RANBP2: variants seen among roughly 807,000 people sequenced by gnomAD.
RANBP2 encodes RAN binding protein 2.
RANBP2 carries 57 observed loss-of-function variants against 303.6 expected under a neutral mutation model. The ratio of observed to expected loss-of-function variants is 0.19; its 90% confidence interval spans 0.15 to 0.23. The LOEUF is 0.23. Among genes scored for constraint, RANBP2 ranks in the 10% least tolerant of loss-of-function variants. The pLI is 1.00. For missense variants in RANBP2, 3,138 were observed against 3,780.8 expected (o/e 0.83, Z 4.46); for synonymous variants, 1,167 against 1,301.5 (o/e 0.90, Z 2.23).
the RANBP2 span, among the ~76,000 whole-genome samples, chr2:109,170,250 TTCTC>T: frequency 1.1e-3 from 7 of 6,380 alleles, no homozygotes; most frequent in African/African-American, 2.5e-3. Flanking sequence ...TTCTTTTCTC[TTCTC>T]TTCTCTTCTC....
the RANBP2 span, among the ~76,000 whole-genome samples, chr2:108,986,130 G>T: frequency 6.6e-6 from 1 of 152,156 alleles, no homozygotes; most frequent in African/African-American, 2.4e-5. Context: ...CCAGTGGGCT[G>T]TTGGGATGCC....
the RANBP2 span, among the ~76,000 whole-genome samples, chr2:109,675,461 G>C: frequency 0.71 from 108,479 of 152,164 alleles, 38,957 homozygotes; most frequent in Middle Eastern, 0.78. Flanking sequence ...GCAAGTGGAT[G>C]GTCTGAGGTC....
the RANBP2 span, among the ~76,000 whole-genome samples, chr2:109,059,146 C>A: frequency 6.6e-6 from 1 of 152,152 alleles, no homozygotes; most frequent in South Asian, 2.1e-4. Context: ...CTTGGACCTG[C>A]TGGCAGGTCC....
At chr2:108,993,752 C>T in the RANBP2 span, among the ~76,000 whole-genome samples, 4 of 152,152 alleles carry the variant, frequency 2.6e-5, no homozygotes, top group Non-Finnish European at 5.9e-5. Context: ...AACACTGACC[C>T]CCTGCTACTG....
At chr2:109,514,658 A>G in the RANBP2 span, among the ~76,000 whole-genome samples, 1 of 152,294 alleles carries the variant, frequency 6.6e-6, no homozygotes, top group East Asian at 1.9e-4. Flanking sequence ...GAGTGGCCTC[A>G]GGTGTGGCTA....
the RANBP2 span, among the ~76,000 whole-genome samples, chr2:109,454,695 T>C: frequency 6.6e-6 from 1 of 152,146 alleles, no homozygotes; most frequent in Non-Finnish European, 1.5e-5. Flanking sequence ...CAGGGTAGGA[T>C]AGATCTTCAT....
At chr2:109,236,490 T>C in the RANBP2 span, among the ~76,000 whole-genome samples, 1 of 152,166 alleles carries the variant, frequency 6.6e-6, no homozygotes, top group Non-Finnish European at 1.5e-5. Context: ...GAAAAGGTGG[T>C]CTTCTTGGGT....
At chr2:109,052,998 C>G in the RANBP2 span, among the ~76,000 whole-genome samples, 1 of 152,210 alleles carries the variant, frequency 6.6e-6, no homozygotes, top group East Asian at 1.9e-4. Context: ...CGTCCCTTCC[C>G]CTGTTGAGTC....
the RANBP2 span, among the ~76,000 whole-genome samples, chr2:109,379,632 G>A: frequency 6.6e-5 from 10 of 152,156 alleles, no homozygotes; most frequent in South Asian, 2.1e-4. Context: ...CTTGCTTTTC[G>A]TCATCCTCTG....
the RANBP2 span, among the ~76,000 whole-genome samples, chr2:109,139,456 C>G: frequency 6.6e-6 from 1 of 152,206 alleles, no homozygotes; most frequent in East Asian, 1.9e-4. Context: ...GAAGACAACT[C>G]TCTTGTATCC....
chr2:108,887,115 C>T, the RANBP2 span, among the ~76,000 whole-genome samples: 10 of 152,272 alleles, frequency 6.6e-5, no homozygotes, highest in African/African-American at 1.9e-4. Context: ...CCAATTTTCT[C>T]AGTACCATTT....
chr2:109,306,454 A>T, the RANBP2 span, among the ~76,000 whole-genome samples: 2 of 152,222 alleles, frequency 1.3e-5, no homozygotes, highest in East Asian at 3.9e-4. Context: ...CAGGCTGCAC[A>T]TACCGCAGAA....
At chr2:109,067,502 C>T in the RANBP2 span, among the ~76,000 whole-genome samples, 4 of 152,220 alleles carry the variant, frequency 2.6e-5, no homozygotes, top group Admixed American at 6.5e-5. Flanking sequence ...GGAGTTCTCC[C>T]AGCTCCAGGA....
At chr2:109,492,422 C>T in the RANBP2 span, among the ~76,000 whole-genome samples, 1 of 152,076 alleles carries the variant, frequency 6.6e-6, no homozygotes, top group Non-Finnish European at 1.5e-5. Context: ...GAACGGAAGT[C>T]GCATGTACAC....
chr2:109,265,063 G>T, the RANBP2 span, among the ~76,000 whole-genome samples: 1 of 152,192 alleles, frequency 6.6e-6, no homozygotes, highest in Admixed American at 6.5e-5. Flanking sequence ...TAATTGGCCT[G>T]CTCCCTGCAG....
At chr2:109,585,691 C>G in the RANBP2 span, 4 of 1,443,214 alleles carry the variant, frequency 2.8e-6, no homozygotes, top group Non-Finnish European at 3.9e-6. Context: ...TATGAAGGAA[C>G]AACTTAGAGG....
the RANBP2 span, among the ~76,000 whole-genome samples, chr2:109,355,662 C>T: frequency 6.6e-6 from 1 of 152,170 alleles, no homozygotes; most frequent in African/African-American, 2.4e-5. Flanking sequence ...CCATTGGGAG[C>T]CTCTGGTATT....
the RANBP2 span, among the ~76,000 whole-genome samples, chr2:108,793,953 A>G: frequency 7.2e-5 from 11 of 152,154 alleles, no homozygotes; most frequent in Non-Finnish European, 1.3e-4. Flanking sequence ...ACGAGACTGT[A>G]GCATCTGTAT....
At chr2:109,640,637 C>T in the RANBP2 span, among the ~76,000 whole-genome samples, 2 of 152,134 alleles carry the variant, frequency 1.3e-5, no homozygotes, top group Non-Finnish European at 2.9e-5. Flanking sequence ...AGCACAGCAG[C>T]AGGGTCCACT....
Sources: allele counts gnomAD v4.1 joint callset (sites outside exome capture counted in the v4.1 genomes callset), GRCh38; gene constraint gnomAD v4.1.1; transcripts MANE v1.5; gene names NCBI Gene and HGNC (gene_info 2026-07-23, HGNC 2026-07-21).